Variants in ELF4 observed in about 807,000 individuals in gnomAD.
The protein encoded by ELF4 is ETS-related transcription factor Elf-4.
ELF4 carries 10 observed loss-of-function variants against 31.7 expected under a neutral mutation model. The observed-to-expected ratio is 0.32, with a 90% CI of 0.19 to 0.54. The LOEUF is 0.54. ELF4 is among the 20% of genes least tolerant of loss of function. The probability of loss-of-function intolerance (pLI) is 0.95; values close to 1 mark genes in which losing one functional copy is unlikely to be tolerated. For missense variants in ELF4, 418 were observed against 522.0 expected (o/e 0.80, Z 1.94); for synonymous variants, 208 against 226.7 (o/e 0.92, Z 0.74).
chrX:130,084,653 G>A (rs1306609455), intron 1 of ELF4, among the ~76,000 whole-genome samples: 1 of 111,556 alleles, frequency 9.0e-6, no homozygotes, highest in Non-Finnish European at 1.9e-5. Flanking sequence ...TTGAAGGGGT[G>A]GAGGGGGAGG....
chrX:130,091,378 C>T (rs930188061), intron 1 of ELF4, among the ~76,000 whole-genome samples: 1 of 111,741 alleles, frequency 8.9e-6, no homozygotes, highest in African/African-American at 3.3e-5. Context: ...AGTGAGCCGA[C>T]ATCGTGCCAC....
intron 1 of ELF4, among the ~76,000 whole-genome samples, chrX:130,107,641 G>A (rs1037578534): frequency 8.9e-6 from 1 of 112,493 alleles, no homozygotes; most frequent in African/African-American, 3.2e-5. Context: ...ATTGGGGTCT[G>A]GTACTAGGAC....
At chrX:130,073,940 G>T in intron 4 of ELF4, 109 bp downstream of exon 4, 2 of 787,961 alleles carry the variant, frequency 2.5e-6, no homozygotes, top group Non-Finnish European at 3.9e-6. Flanking sequence ...TGGGTGTGGT[G>T]CATGTATACC....
In ELF4 at chrX:130,079,322, G is replaced by A. The variant is rs184021934; in HGVS notation, c.75+1934C>T. Reference sequence around the variant, plus strand: ...AAAATACAAAAATTAGCTGGGCTTGGTGATGCGTGCCTATAATCTCAGCTA... The same window carrying A: ...AAAATACAAAAATTAGCTGGGCTTGATGATGCGTGCCTATAATCTCAGCTA... On this transcript the variant is annotated intron_variant, in intron 2 of 8. Coordinates refer to ENST00000308167, the MANE Select transcript of ELF4 (RefSeq NM_001421.4). 5.4e-3 allele frequency among the ~76,000 whole-genome samples: 599 copies of A among 111,058 alleles called. 2 individuals carry two copies. Among genetic ancestry groups the A allele is most frequent in the African/African-American group, 0.019 (574 of 30,523 alleles).
chrX:130,098,192 C>T (rs1177386798), intron 1 of ELF4, among the ~76,000 whole-genome samples: 3 of 111,911 alleles, frequency 2.7e-5, no homozygotes, highest in Non-Finnish European at 3.8e-5. Flanking sequence ...CCTGCCAGAG[C>T]GAAACCTGAA....
At position 130,069,821 on chromosome X, in the gene ELF4, A is replaced by C. The variant is rs189430364; in HGVS notation, c.810-144T>G. On this transcript the variant is annotated intron_variant, in intron 7 of 8. Coordinates refer to ENST00000308167, the MANE Select transcript of ELF4 (RefSeq NM_001421.4). ...GGCTGGGGAGCCAGCTGAGGGCCCA[A>C]GGGCAAGGGAAAGGATATGTCAACA... 8,122 of 843,803 alleles carry C rather than the reference A, an allele frequency of 9.6e-3. 30 individuals carry two copies. Among genetic ancestry groups the C allele is most frequent in the Non-Finnish European group, 0.012 (7,003 of 600,145 alleles). The allele number at this position is 843,803 out of a possible 1,213,427, so 69.5% of individuals were successfully genotyped here. A position where few individuals can be genotyped will look rare whatever the true frequency, so the allele number is the denominator to read the frequency against.
In ELF4 at chrX:130,081,603, C is replaced by T. The variant is rs1801187433; in HGVS notation, c.-209-64G>A. Reference sequence around the variant, plus strand: ...CCTTCCTTGAGCTCTGTTGCCAGAACTGCCTATGAACCAGAGGGACCCTGC... The same window carrying T: ...CCTTCCTTGAGCTCTGTTGCCAGAATTGCCTATGAACCAGAGGGACCCTGC... On this transcript the variant is annotated intron_variant, in intron 1 of 8. Transcript: ENST00000308167. 3.0e-5 allele frequency: 12 copies of T among 404,619 alleles called. No homozygotes were observed. The South Asian group carries it at 3.8e-4, about 13-fold the overall frequency. 33.3% of individuals were successfully genotyped at this position (404,619 alleles called of 1,213,427 possible).
At chrX:130,105,433 T>A (rs1474296572) in intron 1 of ELF4, among the ~76,000 whole-genome samples, 3 of 111,055 alleles carry the variant, frequency 2.7e-5, no homozygotes, top group Middle Eastern at 4.7e-3. Context: ...CCCTTTGGTG[T>A]TGAAATGTGC....
intron 1 of ELF4, among the ~76,000 whole-genome samples, chrX:130,101,551 G>A (rs1933253353): frequency 9.0e-6 from 1 of 111,536 alleles, no homozygotes; most frequent in South Asian, 3.7e-4. Flanking sequence ...CCAGCACTTT[G>A]GAAGGCCGAG....
rs761003281 is a variant in ELF4 at position 130,066,849 on chromosome X, C to G, written c.1864G>C (p.Gly622Arg). 1 of 1,211,050 alleles carries G rather than the reference C, an allele frequency of 8.3e-7. No individual in the cohort carries two copies. The stretch of plus-strand genomic sequence containing the variant: ...CTAGGCTCAGCCATCAGCAGGGACC[C>G]TGAGCCTGAGGAGAGCTCAAGTTCA... ...VAELELSSGS[G>R]SLLMAEPSVT... Residue 622 changes from glycine to arginine, a missense_variant, in exon 9 of 9, where the codon GGG becomes CGG. This residue lies in a region of ELF4 where 260 missense variants were observed against 269.2 expected (regional missense o/e 0.97). Coordinates refer to ENST00000308167, the MANE Select transcript of ELF4 (RefSeq NM_001421.4).
intron 8 of ELF4, among the ~76,000 whole-genome samples, chrX:130,067,905 G>A (rs930301696): frequency 9.0e-6 from 1 of 110,818 alleles, no homozygotes; most frequent in Admixed American, 9.6e-5. Context: ...TTCTGCCTCT[G>A]AGGTTCAAGT....
At chrX:130,083,296 G>A (rs1932912907) in intron 1 of ELF4, among the ~76,000 whole-genome samples, 2 of 78,361 alleles carry the variant, frequency 2.6e-5, no homozygotes, top group Non-Finnish European at 4.7e-5. Context: ...CCCTGCCTGC[G>A]ACCCATTCTC....
intron 1 of ELF4, among the ~76,000 whole-genome samples, chrX:130,095,274 C>A (rs930865341): frequency 8.9e-6 from 1 of 112,134 alleles, no homozygotes; most frequent in Non-Finnish European, 1.9e-5. Flanking sequence ...CTACTACACA[C>A]AATGAACTTT....
intron 2 of ELF4, among the ~76,000 whole-genome samples, chrX:130,080,423 CAAAAAAA>C (rs3077212): frequency 6.2e-4 from 35 of 56,337 alleles, no homozygotes; most frequent in Middle Eastern, 0.011. Flanking sequence ...GACTTCGTTT[CAAAAAAA>C]AAAAAAAAAA....
intron 2 of ELF4, among the ~76,000 whole-genome samples, chrX:130,076,393 A>G (rs1286375430): frequency 9.0e-6 from 1 of 111,209 alleles, no homozygotes; most frequent in African/African-American, 3.3e-5. Flanking sequence ...AAAAACCTCT[A>G]TAAATAAATA....
intron 1 of ELF4, 95 bp downstream of exon 1, chrX:130,110,230 C>T (rs1933454714): frequency 9.0e-6 from 1 of 111,094 alleles, no homozygotes; most frequent in Admixed American, 9.2e-5. Context: ...CCTGGGCCCC[C>T]AGCCCCACGC....
At chrX:130,102,102 CA>C (rs1170243068) in intron 1 of ELF4, among the ~76,000 whole-genome samples, 2 of 111,773 alleles carry the variant, frequency 1.8e-5, no homozygotes, top group African/African-American at 6.5e-5. Flanking sequence ...ACTGAGATCG[CA>C]CGACTGGCAC....
rs762302165 is a variant in ELF4, at chrX:130,095,995, T to G, written c.-210+14330A>C. Among the ~76,000 whole-genome samples the G allele has an allele frequency of 3.0e-3, 330 of 111,227 alleles. 1 individual carries two copies. Among genetic ancestry groups the G allele is most frequent in the African/African-American group, 0.01 (311 of 30,577 alleles). On this transcript the variant is annotated intron_variant, in intron 1 of 8. Transcript: ENST00000308167. ...TTCTCTGTGGTAGAGTCTCTTTGTA[T>G]CCAAATTCCCACTAAGCTCAGTAGC...
chrX:130,110,907 G>C (rs1484009747), upstream of ELF4, among the ~76,000 whole-genome samples: 1 of 95,124 alleles, frequency 1.1e-5, no homozygotes, highest in Non-Finnish European at 2.1e-5. Context: ...AGACACACAC[G>C]TCCCCGCAGG....
Sources: allele counts gnomAD v4.1 joint callset (sites outside exome capture counted in the v4.1 genomes callset), GRCh38; gene constraint gnomAD v4.1.1; regional missense constraint gnomAD v4.1.1; transcripts MANE v1.5; gene names NCBI Gene and HGNC (gene_info 2026-07-23, HGNC 2026-07-21).